The following MYO16 variants were observed in gnomAD, a reference collection of about 807,000 sequenced individuals.
MYO16 encodes the protein unconventional myosin-XVI.
Under a neutral mutation model 205.3 loss-of-function variants are expected in MYO16, and 94 were observed. That is an observed-to-expected ratio of 0.46 (90% CI 0.39 to 0.54). The LOEUF is 0.54. Ranked by LOEUF, MYO16 falls within the 20% of genes least tolerant of loss-of-function variation. The probability of loss-of-function intolerance (pLI) is 0.00; values close to 1 mark genes in which losing one functional copy is unlikely to be tolerated. For missense variants in MYO16, 2,315 were observed against 2,387.5 expected, an observed-to-expected ratio of 0.97 and a Z score of 0.63; for synonymous variants, 988 against 954.0, an observed-to-expected ratio of 1.04 and a Z score of -0.66.
At chr13:109,023,878 TTAAA>T (rs893493263) in intron 23 of MYO16, among the ~76,000 whole-genome samples, 24 of 138,894 alleles carry the variant, frequency 1.7e-4, no homozygotes, top group Non-Finnish European at 2.4e-4. Context: ...TTAAATTTTA[TTAAA>T]TACTTATATA....
intron 4 of MYO16, among the ~76,000 whole-genome samples, chr13:108,779,272 A>G (rs1886223153): frequency 6.6e-6 from 1 of 152,230 alleles, no homozygotes; most frequent in East Asian, 1.9e-4. Context: ...GTGTCTTGTT[A>G]GCATCCAGCC....
chr13:108,544,940 G>A, the MYO16 span, among the ~76,000 whole-genome samples: 29 of 151,670 alleles, frequency 1.9e-4, no homozygotes, highest in African/African-American at 6.8e-4. Flanking sequence ...AATCTCACTC[G>A]TTTTTAATGG....
chr13:108,728,211 TA>T (rs1423172922), intron 4 of MYO16, among the ~76,000 whole-genome samples: 1 of 152,234 alleles, frequency 6.6e-6, no homozygotes, highest in East Asian at 1.9e-4. Context: ...TTTATTTATT[TA>T]AAAAATTAAC....
intron 27 of MYO16, among the ~76,000 whole-genome samples, chr13:109,095,529 G>T (rs1316242296): frequency 6.6e-6 from 1 of 152,120 alleles, no homozygotes; most frequent in African/African-American, 2.4e-5. Flanking sequence ...TCCTGTCTGA[G>T]GTGATCTTTT....
intron 3 of MYO16, among the ~76,000 whole-genome samples, chr13:108,715,502 T>A (rs1350519806): frequency 1.3e-5 from 2 of 152,212 alleles, no homozygotes. Flanking sequence ...GGACTTGTCA[T>A]ATTTTCATGA....
chr13:108,665,816 T>G (rs1176898547), intron 1 of MYO16, 70 bp from the exon 2 acceptor site: 4 of 1,452,376 alleles, frequency 2.8e-6, no homozygotes, highest in Non-Finnish European at 3.7e-6. Flanking sequence ...TAAAATCAAG[T>G]GTGCTGTGGT....
intron 23 of MYO16, among the ~76,000 whole-genome samples, chr13:109,046,567 A>G (rs953292814): frequency 3.2e-4 from 49 of 152,192 alleles, no homozygotes; most frequent in African/African-American, 1.2e-3. Context: ...CTTCATTCCA[A>G]AAGTTTCGCA....
At chr13:108,973,486 A>T (rs1252874112) in intron 20 of MYO16, among the ~76,000 whole-genome samples, 1 of 152,210 alleles carries the variant, frequency 6.6e-6, no homozygotes, top group Non-Finnish European at 1.5e-5. Flanking sequence ...TTTGATAATA[A>T]GGGAAATTAT....
intron 1 of MYO16, among the ~76,000 whole-genome samples, chr13:108,607,364 G>GGATGGGTCCCTCCCACAT (rs1267305347): frequency 1.3e-5 from 2 of 152,098 alleles, no homozygotes; most frequent in Non-Finnish European, 2.9e-5. Context: ...CTACGTGTTG[G>GGATGGGTCCCTCCCACAT]GGGAGGGACC....
Position 108,998,253 on chromosome 13 carries a change from C to A in MYO16, c.2442+5805C>A, listed in dbSNP as rs1885099535. Among the ~76,000 whole-genome samples, 3 of 152,148 alleles carry A rather than the reference C, an allele frequency of 2.0e-5. No homozygotes were observed. The South Asian group carries it at 6.2e-4, about 31-fold the overall frequency. ...AAAATTGAGACTGCTATACTCTGTG[C>A]TTTGTAAGTGCATGGTAGCAGTACC... On this transcript the variant is annotated intron_variant, in intron 21 of 34. Transcript: ENST00000457511.
At chr13:108,685,976 A>G (rs558011453) in intron 2 of MYO16, among the ~76,000 whole-genome samples, 1 of 152,194 alleles carries the variant, frequency 6.6e-6, no homozygotes, top group Non-Finnish European at 1.5e-5. Flanking sequence ...CTTTGAATAA[A>G]CGGTCACTTT....
rs74119483 is a variant in MYO16 at position 108,973,557 on chromosome 13, G to T, written c.2369+8655G>T. ...TTTTCATCAGCACATTCACAACGTT[G>T]CCCCTGTGTCCCCAAGTCCGACTGA... On this transcript the variant is annotated intron_variant, in intron 20 of 34. Transcript: ENST00000457511. Among the ~76,000 whole-genome samples the T allele has an allele frequency of 6.1e-3, 936 of 152,222 alleles. 10 individuals are homozygous for T. The highest frequency in any genetic ancestry group is 0.02 in the African/African-American group (848 of 41,516).
intron 34 of MYO16, among the ~76,000 whole-genome samples, chr13:109,202,271 A>G (rs1461750028): frequency 6.6e-6 from 1 of 150,588 alleles, no homozygotes; most frequent in Non-Finnish European, 1.5e-5. Flanking sequence ...TTCCTTATGG[A>G]ATCTCCATGC....
the MYO16 span, among the ~76,000 whole-genome samples, chr13:108,557,316 T>C: frequency 6.6e-6 from 1 of 152,218 alleles, no homozygotes; most frequent in Admixed American, 6.5e-5. Context: ...ATCAAAATTT[T>C]ACATTTTCAA....
chr13:109,171,726 A>G (rs1878930020), intron 33 of MYO16, among the ~76,000 whole-genome samples: 1 of 152,224 alleles, frequency 6.6e-6, no homozygotes, highest in African/African-American at 2.4e-5. Flanking sequence ...TTTTGTGGGG[A>G]CACACAGATA....
chr13:108,972,716 G>C (rs535337303), intron 20 of MYO16, among the ~76,000 whole-genome samples: 1 of 151,798 alleles, frequency 6.6e-6, no homozygotes, highest in South Asian at 2.1e-4. Flanking sequence ...TTTCTCTTAG[G>C]GCACAGGTCT....
rs747909003 is a variant in MYO16, at chr13:109,019,843, G to T, written c.2728G>T (p.Asp910Tyr). ...NTNAVYSPMK[D>Y]GNGNVALKDH... ...AAATGCGGTGTACTCCCCCATGAAG[G>T]ATGGGAATGGGAATGTTGCCCTCAA... Residue 910 changes from aspartate to tyrosine, a missense_variant, in exon 23 of 35, where the codon GAT becomes TAT. Asp to Tyr is a radical substitution (Grantham distance 160). Transcript: ENST00000457511. 6.2e-7 allele frequency: 1 copy of T among 1,614,120 alleles called. No homozygotes were observed. Among genetic ancestry groups the T allele is most frequent in the South Asian group, 1.1e-5 (1 of 91,074 alleles).
chr13:108,713,833 G>T (rs1448978922), intron 3 of MYO16, among the ~76,000 whole-genome samples: 1 of 152,118 alleles, frequency 6.6e-6, no homozygotes, highest in Non-Finnish European at 1.5e-5. Context: ...AGATTTCAAG[G>T]TAACGTTTTC....
At position 108,667,964 on chromosome 13, in the gene MYO16, T is replaced by C. The variant is rs892688465; in HGVS notation, c.292+1815T>C. Among the ~76,000 whole-genome samples, 13 of 152,076 alleles carry C rather than the reference T, an allele frequency of 8.5e-5. 1 individual carries two copies. Among genetic ancestry groups the C allele is most frequent in the Admixed American group, 8.5e-4 (13 of 15,260 alleles). ...TTGAGGTGAGAGGATTGTTTGAGCC[T>C]GGGGATTAAGGATATAATGAGCCAT... On this transcript the variant is annotated intron_variant, in intron 2 of 34. Coordinates refer to ENST00000457511, the MANE Select transcript of MYO16 (RefSeq NM_001198950.3).
Sources: gnomAD v4.1 joint callset for allele counts (sites outside exome capture counted in the v4.1 genomes callset) on GRCh38, gnomAD v4.1.1 for gene constraint, MANE v1.5 for transcripts, NCBI Gene and HGNC (gene_info 2026-07-23, HGNC 2026-07-21) for gene names.